Variants in BTBD9 observed in about 807,000 individuals in gnomAD.
The protein encoded by BTBD9 is BTB domain containing 9.
In BTBD9, 49 loss-of-function variants were observed where a neutral mutation model predicts 64.3. That is an observed-to-expected ratio of 0.76 (90% CI 0.61 to 0.97). The LOEUF (loss-of-function observed/expected upper bound fraction) is 0.97, where lower values mean the gene tolerates loss of function less well. Among genes scored for constraint, BTBD9 ranks in the 50% least tolerant of loss-of-function variants. The pLI, the probability that BTBD9 is intolerant of heterozygous loss-of-function variation, is 0.00. For missense variants in BTBD9, 598 were observed against 762.1 expected (o/e 0.78, Z 2.53); for synonymous variants, 260 against 274.7 (o/e 0.95, Z 0.53).
chr6:38,222,270 T>G (rs965067325), intron 9 of BTBD9, among the ~76,000 whole-genome samples: 3 of 140,822 alleles, frequency 2.1e-5, no homozygotes, highest in Non-Finnish European at 3.1e-5. Flanking sequence ...TTTTTTTTTT[T>G]TTTTTTTTTT....
At chr6:38,183,136 C>T (rs1276671906) in intron 10 of BTBD9, among the ~76,000 whole-genome samples, 6 of 152,098 alleles carry the variant, frequency 3.9e-5, no homozygotes, top group Non-Finnish European at 5.9e-5. Context: ...CCCGCCACCA[C>T]ACCTGGCTAA....
rs937648233 is a variant in BTBD9, at chr6:38,170,951, G to A, written c.*4034C>T. ...AAGGTAAGATTAAAATAATAACACC[G>A]ACAAGCAAGCACTAATGAGGAAAAA... is the stretch of plus-strand genomic sequence containing the variant. On this transcript the variant is annotated 3_prime_UTR_variant, in exon 11 of 11. Coordinates refer to ENST00000481247, the MANE Select transcript of BTBD9 (RefSeq NM_001099272.2). The A allele has an allele frequency of 3.3e-5, 5 of 152,318 alleles. No individual in the cohort carries two copies. The highest frequency in any genetic ancestry group is 1.2e-4 in the African/African-American group (5 of 41,560). 9.4% of individuals were successfully genotyped at this position (152,318 alleles called of 1,614,324 possible). A position where few individuals can be genotyped will look rare whatever the true frequency, so the allele number is the denominator to read the frequency against.
At chr6:38,483,682 G>C (rs1174990913) in intron 6 of BTBD9, among the ~76,000 whole-genome samples, 1 of 152,072 alleles carries the variant, frequency 6.6e-6, no homozygotes, top group Non-Finnish European at 1.5e-5. Flanking sequence ...AGAAACACAT[G>C]GCCTTCTTTC....
intron 6 of BTBD9, chr6:38,571,707 C>T (rs1343462962): frequency 6.6e-6 from 1 of 152,246 alleles, no homozygotes; most frequent in Non-Finnish European, 1.5e-5. Context: ...ACCTGTAATC[C>T]CAGCACTTTG....
At chr6:38,420,855 AAAT>A (rs747388347) in intron 6 of BTBD9, among the ~76,000 whole-genome samples, 29 of 152,068 alleles carry the variant, frequency 1.9e-4, no homozygotes, top group Non-Finnish European at 3.7e-4. Context: ...ACTCCGTCTC[AAAT>A]AATAATAATA....
chr6:38,577,870 A>G (rs181977969), intron 5 of BTBD9, 151 bp from the exon 6 acceptor site: 2 of 735,876 alleles, frequency 2.7e-6, no homozygotes, highest in Admixed American at 2.9e-5. Context: ...AAAGAATGTT[A>G]TGATAGCATT....
In BTBD9 at chr6:38,351,504, G is replaced by GTTTTTTT. The variant is rs79539406; in HGVS notation, c.1155-6412_1155-6411insAAAAAAA. ...TACTAAAGACAAATATTTAATTGTTGTTGTTTTTTTTTTTTTTTTTTTTGA... is the reference window on the plus strand; with the variant it reads ...TACTAAAGACAAATATTTAATTGTTGTTTTTTTTTGTTTTTTTTTTTTTTTTTTTTGA... On this transcript the variant is annotated intron_variant, in intron 6 of 10. Transcript: ENST00000481247. Among the ~76,000 whole-genome samples the GTTTTTTT allele has an allele frequency of 3.3e-3, 318 of 96,658 alleles. 24 individuals carry two copies. Among genetic ancestry groups the GTTTTTTT allele is most frequent in the Middle Eastern group, 8.2e-3 (1 of 122 alleles). 63.4% of individuals were successfully genotyped at this position (96,658 alleles called of 152,430 possible).
chr6:38,323,094 A>G (rs1763298587), intron 7 of BTBD9, among the ~76,000 whole-genome samples: 1 of 152,230 alleles, frequency 6.6e-6, no homozygotes, highest in Non-Finnish European at 1.5e-5. Flanking sequence ...AGCTTATCGA[A>G]GTAGTTTAAC....
At chr6:38,542,290 G>A (rs986969537) in intron 6 of BTBD9, among the ~76,000 whole-genome samples, 2 of 152,078 alleles carry the variant, frequency 1.3e-5, no homozygotes, top group African/African-American at 2.4e-5. Context: ...TGGTCTTCCC[G>A]CACCCACAGT....
chr6:38,595,882 G>T, intron 2 of BTBD9: 1 of 985,162 alleles, frequency 1.0e-6, no homozygotes, highest in Non-Finnish European at 1.2e-6. Flanking sequence ...TCCTTCTCGG[G>T]GAGACCTCAA....
chr6:38,491,405 A>G (rs1357144629), intron 6 of BTBD9, among the ~76,000 whole-genome samples: 2 of 152,162 alleles, frequency 1.3e-5, no homozygotes, highest in African/African-American at 4.8e-5. Flanking sequence ...TAATGAGCTA[A>G]AGTCCTTACC....
chr6:38,337,900 T>C (rs1051399360), intron 7 of BTBD9, among the ~76,000 whole-genome samples: 27 of 152,154 alleles, frequency 1.8e-4, no homozygotes, highest in African/African-American at 6.5e-4. Flanking sequence ...GACTGAAATA[T>C]AGGAGGAAGG....
At chr6:38,224,977 G>T (rs1763345213) in intron 9 of BTBD9, among the ~76,000 whole-genome samples, 1 of 152,164 alleles carries the variant, frequency 6.6e-6, no homozygotes, top group African/African-American at 2.4e-5. Flanking sequence ...TTAGTTTAAG[G>T]TAACTAACTT....
At chr6:38,638,895 A>G (rs900688623) in intron 1 of BTBD9, among the ~76,000 whole-genome samples, 3 of 152,190 alleles carry the variant, frequency 2.0e-5, no homozygotes, top group Non-Finnish European at 4.4e-5. Flanking sequence ...TAGAGTCCAG[A>G]GCACTGAGAA....
At chr6:38,564,226 T>G (rs1328751773) in intron 6 of BTBD9, among the ~76,000 whole-genome samples, 9 of 152,212 alleles carry the variant, frequency 5.9e-5, no homozygotes, top group East Asian at 1.9e-4. Context: ...ATCACAGCTT[T>G]CTTTCTTTAC....
intron 9 of BTBD9, among the ~76,000 whole-genome samples, chr6:38,221,758 C>T (rs1299961266): frequency 2.0e-5 from 3 of 152,126 alleles, no homozygotes; most frequent in Admixed American, 6.5e-5. Flanking sequence ...TTTGGTAGGC[C>T]GAGGCAGGCG....
intron 6 of BTBD9, among the ~76,000 whole-genome samples, chr6:38,483,939 A>G (rs1771280010): frequency 6.6e-6 from 1 of 152,202 alleles, no homozygotes; most frequent in African/African-American, 2.4e-5. Flanking sequence ...ACTAGTCAGT[A>G]TCACATTTAT....
chr6:38,466,743 G>T (rs1370365045), intron 6 of BTBD9, among the ~76,000 whole-genome samples: 7 of 151,710 alleles, frequency 4.6e-5, no homozygotes, highest in Non-Finnish European at 5.9e-5. Flanking sequence ...ATGCCCAGCT[G>T]ATTTTTGTAT....
chr6:38,305,903 C>T (rs1762608227), intron 7 of BTBD9, among the ~76,000 whole-genome samples: 1 of 152,212 alleles, frequency 6.6e-6, no homozygotes, highest in East Asian at 1.9e-4. Context: ...TACTAATATA[C>T]ATAGGCCAAA....
Sources: allele counts gnomAD v4.1 joint callset (sites outside exome capture counted in the v4.1 genomes callset), GRCh38; gene constraint gnomAD v4.1.1; transcripts MANE v1.5; gene names NCBI Gene and HGNC (gene_info 2026-07-23, HGNC 2026-07-21).